The following LMNTD1 variants were observed in gnomAD, a reference collection of about 807,000 sequenced individuals.
LMNTD1 encodes the protein lamin tail domain containing 1, also known as lamin tail domain-containing protein 1.
In LMNTD1, 35 loss-of-function variants were observed where a neutral mutation model predicts 50.9. The ratio of observed to expected loss-of-function variants is 0.69; its 90% confidence interval spans 0.53 to 0.91. LMNTD1 has a LOEUF of 0.91. Ranked by LOEUF, LMNTD1 falls within the 40% of genes least tolerant of loss-of-function variation. The pLI is 0.00. For synonymous variants in LMNTD1, 153 were observed against 161.9 expected (o/e 0.94, Z 0.42); for missense variants, 470 against 475.5 (o/e 0.99, Z 0.11).
intron 1 of LMNTD1, among the ~76,000 whole-genome samples, chr12:25,642,975 T>G (rs1053929212): frequency 3.3e-5 from 5 of 152,242 alleles, no homozygotes; most frequent in Non-Finnish European, 5.9e-5. Flanking sequence ...TCAGTATGCA[T>G]TCAACAATTC....
intron 6 of LMNTD1, among the ~76,000 whole-genome samples, chr12:25,522,564 A>C (rs1376731474): frequency 6.6e-6 from 1 of 151,868 alleles, no homozygotes; most frequent in Non-Finnish European, 1.5e-5. Context: ...TCCAAGCCCC[A>C]TTTTTTTTCC....
At chr12:25,566,618 G>C (rs113974410) in intron 1 of LMNTD1, among the ~76,000 whole-genome samples, 5 of 152,322 alleles carry the variant, frequency 3.3e-5, no homozygotes, top group African/African-American at 1.2e-4. Context: ...ATATAAGACT[G>C]TGTTGAGCCC....
At chr12:25,570,581 A>C (rs1057024844) in intron 1 of LMNTD1, among the ~76,000 whole-genome samples, 1 of 152,184 alleles carries the variant, frequency 6.6e-6, no homozygotes, top group African/African-American at 2.4e-5. Flanking sequence ...AGATGAACTA[A>C]TTGGCTGAGG....
chr12:25,595,190 A>C (rs1486222538), intron 1 of LMNTD1, among the ~76,000 whole-genome samples: 2 of 152,156 alleles, frequency 1.3e-5, no homozygotes, highest in Non-Finnish European at 2.9e-5. Flanking sequence ...AAGTCAACAA[A>C]GAAACAATTG....
At chr12:25,491,992 A>C (rs1938898133) in intron 9 of LMNTD1, among the ~76,000 whole-genome samples, 1 of 152,226 alleles carries the variant, frequency 6.6e-6, no homozygotes, top group African/African-American at 2.4e-5. Context: ...GAAGGGAGAG[A>C]TATACGTCCA....
Position 25,525,966 on chromosome 12 carries a change from G to T in LMNTD1, c.798+133C>A. On this transcript the variant is annotated intron_variant, in intron 6 of 9. Transcript: ENST00000458174. Reference sequence around the variant, plus strand: ...ACCTGACAATAAAATAATCTTTTAGGCATAAAGTCAATTTTACTGACATTT... The same window carrying T: ...ACCTGACAATAAAATAATCTTTTAGTCATAAAGTCAATTTTACTGACATTT... The T allele has an allele frequency of 8.0e-6, 4 of 501,390 alleles. No homozygotes were observed. The South Asian group carries it at 2.4e-4, about 30-fold the overall frequency. The allele number at this position is 501,390 out of a possible 1,614,324, so 31.1% of individuals were successfully genotyped here. A position where few individuals can be genotyped will look rare whatever the true frequency, so the allele number is the denominator to read the frequency against.
chr12:25,501,366 C>G (rs926588930), intron 9 of LMNTD1, among the ~76,000 whole-genome samples: 1 of 152,142 alleles, frequency 6.6e-6, no homozygotes, highest in African/African-American at 2.4e-5. Context: ...GAAGTAGAAC[C>G]TAAATCTTTC....
chr12:25,599,888 G>T (rs940615861), intron 1 of LMNTD1, among the ~76,000 whole-genome samples: 1 of 151,932 alleles, frequency 6.6e-6, no homozygotes, highest in Non-Finnish European at 1.5e-5. Context: ...GCCATTTACT[G>T]ATTCAGTGTA....
At chr12:25,613,408 G>A (rs1946289288) in intron 1 of LMNTD1, among the ~76,000 whole-genome samples, 1 of 152,122 alleles carries the variant, frequency 6.6e-6, no homozygotes, top group Non-Finnish European at 1.5e-5. Flanking sequence ...CTGGGCCTTG[G>A]TTTCCTGAGG....
intron 1 of LMNTD1, among the ~76,000 whole-genome samples, chr12:25,605,288 G>T (rs1456614550): frequency 6.6e-6 from 1 of 152,076 alleles, no homozygotes; most frequent in Non-Finnish European, 1.5e-5. Flanking sequence ...CTCCCATGTT[G>T]TAGGTTGCCT....
chr12:25,626,976 G>A (rs1187464443), intron 1 of LMNTD1, among the ~76,000 whole-genome samples: 1 of 152,204 alleles, frequency 6.6e-6, no homozygotes, highest in Non-Finnish European at 1.5e-5. Flanking sequence ...TTATAGAATA[G>A]TAGTAAATCA....
At chr12:25,643,082 T>G (rs1283386836) in intron 1 of LMNTD1, among the ~76,000 whole-genome samples, 1 of 152,188 alleles carries the variant, frequency 6.6e-6, no homozygotes, top group Non-Finnish European at 1.5e-5. Flanking sequence ...AGAATAAGCT[T>G]CTCTAAGATC....
intron 1 of LMNTD1, among the ~76,000 whole-genome samples, chr12:25,569,737 C>G (rs558951245): frequency 6.6e-6 from 1 of 152,248 alleles, no homozygotes; most frequent in South Asian, 2.1e-4. Context: ...CCCTGCCCAC[C>G]TTGCTCTCTT....
At chr12:25,489,526 C>G (rs1282051240) in intron 9 of LMNTD1, among the ~76,000 whole-genome samples, 2 of 139,320 alleles carry the variant, frequency 1.4e-5, no homozygotes, top group African/African-American at 5.4e-5. Flanking sequence ...CGCCCACTGT[C>G]TGGCACTCCC....
At chr12:25,591,844 A>AGAGAGG (rs1292900487) in intron 1 of LMNTD1, among the ~76,000 whole-genome samples, 1 of 146,360 alleles carries the variant, frequency 6.8e-6, no homozygotes, top group Non-Finnish European at 1.5e-5. Context: ...AGAGAGAGAG[A>AGAGAGG]GAGAGAGAGA....
At chr12:25,501,818 G>C (rs1565943852) in intron 9 of LMNTD1, among the ~76,000 whole-genome samples, 1 of 151,296 alleles carries the variant, frequency 6.6e-6, no homozygotes, top group East Asian at 1.9e-4. Flanking sequence ...AAACTGACAA[G>C]TCCGACTCAG....
At chr12:25,620,541 C>G (rs1438898150) in intron 1 of LMNTD1, among the ~76,000 whole-genome samples, 1 of 152,124 alleles carries the variant, frequency 6.6e-6, no homozygotes, top group African/African-American at 2.4e-5. Context: ...AGTACATTTT[C>G]TAGCTTTTCT....
chr12:25,569,291 G>A (rs1944689258), intron 1 of LMNTD1, among the ~76,000 whole-genome samples: 2 of 152,214 alleles, frequency 1.3e-5, no homozygotes, highest in Admixed American at 1.3e-4. Flanking sequence ...GACTTGCATG[G>A]GGCTATTGGC....
chr12:25,598,166 T>C (rs553043535), intron 1 of LMNTD1, among the ~76,000 whole-genome samples: 12 of 152,264 alleles, frequency 7.9e-5, no homozygotes, highest in Non-Finnish European at 1.5e-4. Context: ...ACATCTTTCC[T>C]TTATAAATTA....
Sources: gnomAD v4.1 joint callset for allele counts (sites outside exome capture counted in the v4.1 genomes callset) on GRCh38, gnomAD v4.1.1 for gene constraint, MANE v1.5 for transcripts, NCBI Gene and HGNC (gene_info 2026-07-23, HGNC 2026-07-21) for gene names.